Variants in CSMD1 observed in about 807,000 individuals in gnomAD.
The protein encoded by CSMD1 is CUB and Sushi multiple domains 1.
Under a neutral mutation model 417.5 loss-of-function variants are expected in CSMD1, and 213 were observed. That is an observed-to-expected ratio of 0.51 (90% CI 0.46 to 0.57). The LOEUF (loss-of-function observed/expected upper bound fraction) is 0.57, where lower values mean the gene tolerates loss of function less well. Among genes scored for constraint, CSMD1 ranks in the 20% least tolerant of loss-of-function variants. The pLI is 0.00. For missense variants in CSMD1, 6,923 were observed against 4,529.7 expected, an observed-to-expected ratio of 1.53 and a Z score of -15.17; for synonymous variants, 2,862 against 1,736.8, an observed-to-expected ratio of 1.65 and a Z score of -16.11.
At chr8:3,726,739 G>C (rs542290957) in intron 6 of CSMD1, among the ~76,000 whole-genome samples, 3 of 152,128 alleles carry the variant, frequency 2.0e-5, no homozygotes, top group Non-Finnish European at 4.4e-5. Flanking sequence ...GAGGGAACTT[G>C]CCAGTCCAGT....
intron 3 of CSMD1, among the ~76,000 whole-genome samples, chr8:4,283,762 T>C (rs1796913976): frequency 7.1e-6 from 1 of 141,390 alleles, no homozygotes; most frequent in African/African-American, 2.6e-5. Flanking sequence ...ATATTAAAAT[T>C]CTGGACATGA....
At chr8:3,093,997 A>T (rs1043051172) in intron 47 of CSMD1, among the ~76,000 whole-genome samples, 1 of 152,164 alleles carries the variant, frequency 6.6e-6, no homozygotes, top group Non-Finnish European at 1.5e-5. Flanking sequence ...TCTGAGATAA[A>T]ATGCCACTGG....
chr8:3,684,203 A>AAAC lies in CSMD1; in HGVS notation c.1009+24210_1009+24211insGTT, dbSNP rs35072116. Among the ~76,000 whole-genome samples the AAAC allele has an allele frequency of 3.6e-5, 5 of 140,750 alleles. No individual in the cohort carries two copies. In the East Asian group the frequency reaches 8.0e-4, roughly 23 times the overall value. 92.3% of individuals were successfully genotyped at this position (140,750 alleles called of 152,430 possible). On this transcript the variant is annotated intron_variant, in intron 7 of 69. Transcript: ENST00000635120. ...GTTACATGTAATATATATAACATGTAATTATATATAATATATAACATAATA... is the reference window on the plus strand; with the variant it reads ...GTTACATGTAATATATATAACATGTAAACATTATATATAATATATAACATAATA...
At chr8:4,373,564 T>A (rs559157616) in intron 3 of CSMD1, among the ~76,000 whole-genome samples, 3 of 152,248 alleles carry the variant, frequency 2.0e-5, no homozygotes, top group Non-Finnish European at 2.9e-5. Context: ...TCAACTCTTA[T>A]CATTTAATTT....
At chr8:4,939,451 G>A (rs751431911) in intron 1 of CSMD1, among the ~76,000 whole-genome samples, 1 of 152,158 alleles carries the variant, frequency 6.6e-6, no homozygotes, top group African/African-American at 2.4e-5. Context: ...ATACCTAATG[G>A]AGTACTATTC....
At chr8:3,067,807 G>A (rs961223192) in intron 49 of CSMD1, among the ~76,000 whole-genome samples, 4 of 151,800 alleles carry the variant, frequency 2.6e-5, no homozygotes, top group Non-Finnish European at 4.4e-5. Flanking sequence ...TCCATGTGCT[G>A]TAATTACCTA....
chr8:3,830,157 G>C (rs903252870), intron 5 of CSMD1, among the ~76,000 whole-genome samples: 6 of 152,134 alleles, frequency 3.9e-5, no homozygotes, highest in Admixed American at 2.6e-4. Context: ...ATATGCTCCA[G>C]AGTTTCTCTT....
intron 3 of CSMD1, among the ~76,000 whole-genome samples, chr8:4,319,285 C>T (rs947833149): frequency 1.3e-5 from 2 of 152,076 alleles, no homozygotes; most frequent in African/African-American, 4.8e-5. Context: ...AATGTCCTTT[C>T]CTTGCTTTTA....
intron 3 of CSMD1, among the ~76,000 whole-genome samples, chr8:4,213,421 T>C (rs1295041946): frequency 2.6e-5 from 4 of 152,178 alleles, no homozygotes; most frequent in Non-Finnish European, 5.9e-5. Flanking sequence ...TGGTAGTGCT[T>C]ATGGTAATAG....
intron 7 of CSMD1, among the ~76,000 whole-genome samples, chr8:3,619,345 C>G (rs900230): frequency 0.53 from 80,340 of 151,600 alleles, 20,985 homozygotes; most frequent in Middle Eastern, 0.61. Flanking sequence ...GTTCTGCAAA[C>G]ATGGAGCACG....
At chr8:3,779,487 A>G (rs1265325567) in intron 5 of CSMD1, among the ~76,000 whole-genome samples, 1 of 152,186 alleles carries the variant, frequency 6.6e-6, no homozygotes, top group African/African-American at 2.4e-5. Context: ...CTTTTATAGT[A>G]TTCACTGATT....
intron 3 of CSMD1, among the ~76,000 whole-genome samples, chr8:4,381,693 G>A (rs568534978): frequency 3.3e-5 from 5 of 152,264 alleles, no homozygotes; most frequent in South Asian, 4.1e-4. Flanking sequence ...AAGCAGATGC[G>A]TCAACATCTC....
At chr8:3,087,795 C>T (rs145972312) in intron 48 of CSMD1, among the ~76,000 whole-genome samples, 3 of 152,328 alleles carry the variant, frequency 2.0e-5, no homozygotes, top group African/African-American at 7.2e-5. Flanking sequence ...CCTCACTCAC[C>T]TCTCTAAAGC....
At chr8:4,291,315 TA>T (rs1797348029) in intron 3 of CSMD1, among the ~76,000 whole-genome samples, 1 of 152,134 alleles carries the variant, frequency 6.6e-6, no homozygotes, top group Admixed American at 6.5e-5. Flanking sequence ...AAGCTAGGGA[TA>T]ATGATCATAA....
chr8:4,183,591 C>G (rs969394068), intron 3 of CSMD1, among the ~76,000 whole-genome samples: 1 of 152,042 alleles, frequency 6.6e-6, no homozygotes, highest in Non-Finnish European at 1.5e-5. Flanking sequence ...AGTAAAAATT[C>G]ATAATTTTGA....
chr8:4,736,664 A>G (rs1041768616), intron 1 of CSMD1, among the ~76,000 whole-genome samples: 4 of 152,208 alleles, frequency 2.6e-5, no homozygotes, highest in Non-Finnish European at 1.5e-5. Context: ...ATTTTTATGC[A>G]TAACTTTTGA....
chr8:3,072,350 G>C lies in CSMD1; in HGVS notation c.7474+14747C>G, dbSNP rs534449125. ...AATGCTCTGAATTAGAATCAACAAT[G>C]AAGATTTTAACAATTAATTATCACC... On this transcript the variant is annotated intron_variant, in intron 49 of 69. Transcript: ENST00000635120. Among the ~76,000 whole-genome samples, 4 of 152,284 alleles carry C rather than the reference G, an allele frequency of 2.6e-5. No homozygotes were observed. In the South Asian group the frequency reaches 8.3e-4, roughly 32 times the overall value.
At chr8:3,111,039 T>C (rs533814299) in intron 42 of CSMD1, among the ~76,000 whole-genome samples, 1 of 152,292 alleles carries the variant, frequency 6.6e-6, no homozygotes, top group East Asian at 1.9e-4. Flanking sequence ...GTCTTTAATT[T>C]AAATATTCAT....
chr8:3,102,928 C>G (rs572958775), intron 46 of CSMD1, among the ~76,000 whole-genome samples: 49 of 152,204 alleles, frequency 3.2e-4, no homozygotes, highest in African/African-American at 1.2e-3. Context: ...TATTAGCGGT[C>G]TGAAGAAACT....
Sources: gnomAD v4.1 joint callset for allele counts (sites outside exome capture counted in the v4.1 genomes callset) on GRCh38, gnomAD v4.1.1 for gene constraint, MANE v1.5 for transcripts, NCBI Gene and HGNC (gene_info 2026-07-23, HGNC 2026-07-21) for gene names.